Variants in DCUN1D2 observed in about 807,000 individuals in gnomAD.
DCUN1D2 encodes DCN1-like protein 2.
Under a neutral mutation model 30.9 loss-of-function variants are expected in DCUN1D2, and 29 were observed. That is an observed-to-expected ratio of 0.94 (90% CI 0.70 to 1.28). DCUN1D2 has a LOEUF of 1.28. Among genes scored for constraint, DCUN1D2 ranks in the 50% most tolerant of loss-of-function variants. The pLI, the probability that DCUN1D2 is intolerant of heterozygous loss-of-function variation, is 0.00. For missense variants in DCUN1D2, 325 were observed against 316.9 expected, an observed-to-expected ratio of 1.03 and a Z score of -0.19; for synonymous variants, 121 against 115.3, an observed-to-expected ratio of 1.05 and a Z score of -0.32.
At position 113,456,184 on chromosome 13, in the gene DCUN1D2, CCA is replaced by C. The variant is rs1272257376; in HGVS notation, c.*1843_*1844del. Reference sequence around the variant, plus strand: ...CGAAGACTTCTAAAGGTAGACAGGCCCAGTTTCCCATTAGAGTTCTGGAAGCA... The same window carrying C: ...CGAAGACTTCTAAAGGTAGACAGGCCGTTTCCCATTAGAGTTCTGGAAGCA... On this transcript the variant is annotated 3_prime_UTR_variant, in exon 7 of 7. Coordinates refer to ENST00000478244, the MANE Select transcript of DCUN1D2 (RefSeq NM_001014283.2). The C allele has an allele frequency of 2.5e-6, 1 of 398,548 alleles. No individual in the cohort carries two copies. Among genetic ancestry groups the C allele is most frequent in the African/African-American group, 2.1e-5 (1 of 48,712 alleles). 24.7% of individuals were successfully genotyped at this position (398,548 alleles called of 1,614,324 possible). A position where few individuals can be genotyped will look rare whatever the true frequency, so the allele number is the denominator to read the frequency against.
chr13:113,461,004 C>A (rs202105161), intron 5 of DCUN1D2, 50 bp downstream of exon 5: 1 of 1,253,980 alleles, frequency 8.0e-7, no homozygotes, highest in Admixed American at 1.8e-5. Context: ...CTCATACCTA[C>A]CGACTTCCCT....
intron 5 of DCUN1D2, chr13:113,459,689 G>T (rs79924357): frequency 1.5e-5 from 4 of 270,690 alleles, no homozygotes; most frequent in Non-Finnish European, 2.8e-5. Flanking sequence ...TTTTAATCTC[G>T]TTACCTGCCC....
intron 4 of DCUN1D2, chr13:113,462,635 G>A: frequency 1.7e-6 from 1 of 574,636 alleles, no homozygotes; most frequent in Non-Finnish European, 2.2e-6. Context: ...AAGGCTTCAT[G>A]ACCAACTTTA....
intron 3 of DCUN1D2, 29 bp from the exon 4 acceptor site, chr13:113,474,283 C>A: frequency 6.2e-7 from 1 of 1,609,950 alleles, no homozygotes; most frequent in South Asian, 1.1e-5. Flanking sequence ...GTTTGTCTTG[C>A]AGCAGATGCG....
intron 2 of DCUN1D2, among the ~76,000 whole-genome samples, chr13:113,482,862 G>C (rs889339833): frequency 3.9e-5 from 6 of 152,170 alleles, no homozygotes; most frequent in African/African-American, 1.4e-4. Context: ...AGAATCGCTT[G>C]AATGTGGGAG....
rs202245499 is a variant in DCUN1D2, at chr13:113,459,422, GAAAA to G, written c.604-18_604-15del. The G allele has an allele frequency of 1.4e-4, 164 of 1,136,686 alleles. 2 individuals are homozygous for G. In the African/African-American group the frequency reaches 2.5e-3, roughly 17 times the overall value. The allele number at this position is 1,136,686 out of a possible 1,614,324, so 70.4% of individuals were successfully genotyped here. The stretch of plus-strand genomic sequence containing the variant: ...TTTGTGATGTTCCTAATATATGAGA[GAAAA>G]AAAAAACCCACCAGGTTTAAAATAC... On this transcript the variant is annotated splice_polypyrimidine_tract_variant and intron_variant, in intron 5 of 6. Transcript: ENST00000478244.
intron 4 of DCUN1D2, among the ~76,000 whole-genome samples, chr13:113,467,455 G>C (rs1288167123): frequency 1.3e-5 from 2 of 150,214 alleles, no homozygotes; most frequent in Non-Finnish European, 3.0e-5. Context: ...TTTACCTATT[G>C]TTTTCAGAGT....
intron 4 of DCUN1D2, among the ~76,000 whole-genome samples, chr13:113,471,946 C>T (rs976092756): frequency 1.3e-5 from 2 of 152,152 alleles, no homozygotes; most frequent in East Asian, 1.9e-4. Context: ...CCACCCACAA[C>T]GACAGGGGAG....
intron 4 of DCUN1D2, among the ~76,000 whole-genome samples, chr13:113,467,646 C>T (rs529211923): frequency 6.6e-6 from 1 of 152,204 alleles, no homozygotes; most frequent in Admixed American, 6.5e-5. Flanking sequence ...AGCTTCGTTG[C>T]TGACAGGAAT....
chr13:113,484,401 C>T (rs140202183), intron 1 of DCUN1D2, among the ~76,000 whole-genome samples: 73 of 152,300 alleles, frequency 4.8e-4, no homozygotes, highest in African/African-American at 1.6e-3. Flanking sequence ...AAGGACCTTA[C>T]GGCACCAGCG....
At chr13:113,467,853 G>A (rs2044431739) in intron 4 of DCUN1D2, among the ~76,000 whole-genome samples, 2 of 151,932 alleles carry the variant, frequency 1.3e-5, no homozygotes, top group Non-Finnish European at 2.9e-5. Context: ...AGACCAGCCT[G>A]ACCAACATGG....
intron 4 of DCUN1D2, among the ~76,000 whole-genome samples, chr13:113,467,766 G>T (rs1427602361): frequency 6.6e-6 from 1 of 152,068 alleles, no homozygotes; most frequent in Non-Finnish European, 1.5e-5. Flanking sequence ...AAAGCGGGCC[G>T]GGCGCGGTGG....
intron 4 of DCUN1D2, among the ~76,000 whole-genome samples, chr13:113,469,211 C>T (rs996677687): frequency 2.6e-5 from 4 of 151,942 alleles, no homozygotes; most frequent in African/African-American, 7.3e-5. Context: ...AAAGCTGCCC[C>T]GAACCATCCT....
intron 4 of DCUN1D2, among the ~76,000 whole-genome samples, chr13:113,471,921 AAC>A (rs1012121742): frequency 6.6e-6 from 1 of 152,200 alleles, no homozygotes; most frequent in Non-Finnish European, 1.5e-5. Flanking sequence ...GCTGCTGGGG[AAC>A]ACAGAGCAAA....
chr13:113,481,234 T>C (rs931514587), intron 2 of DCUN1D2, among the ~76,000 whole-genome samples: 4 of 152,222 alleles, frequency 2.6e-5, no homozygotes, highest in African/African-American at 9.6e-5. Context: ...TAACTACTTC[T>C]CAGAATCATT....
At chr13:113,460,963 G>C (rs2044308847) in intron 5 of DCUN1D2, 91 bp downstream of exon 5, 1 of 774,074 alleles carries the variant, frequency 1.3e-6, no homozygotes. Flanking sequence ...ACCTCCACGT[G>C]TGAGACCTGA....
intron 1 of DCUN1D2, among the ~76,000 whole-genome samples, chr13:113,487,346 A>G (rs1251907201): frequency 6.6e-6 from 1 of 152,266 alleles, no homozygotes. Flanking sequence ...TTATACAACA[A>G]CATTTACTAT....
rs1367324999 is a variant in DCUN1D2 at position 113,457,287 on chromosome 13, G to A, written c.*742C>T. The A allele has an allele frequency of 6.6e-6, 1 of 152,156 alleles. No homozygotes were observed. Among genetic ancestry groups the A allele is most frequent in the Admixed American group, 6.5e-5 (1 of 15,280 alleles). The allele number at this position is 152,156 out of a possible 1,614,324, so 9.4% of individuals were successfully genotyped here. A position where few individuals can be genotyped will look rare whatever the true frequency, so the allele number is the denominator to read the frequency against. ...ATTTTAAAAAAACATACTTTATGAAGCTTCTCAGGCAGGTCAAATAATATT... is the reference window on the plus strand; with the variant it reads ...ATTTTAAAAAAACATACTTTATGAAACTTCTCAGGCAGGTCAAATAATATT... On this transcript the variant is annotated 3_prime_UTR_variant, in exon 7 of 7. Coordinates refer to ENST00000478244, the MANE Select transcript of DCUN1D2 (RefSeq NM_001014283.2).
intron 3 of DCUN1D2, chr13:113,475,434 T>A (rs765037072): frequency 6.6e-6 from 1 of 152,192 alleles, no homozygotes; most frequent in African/African-American, 2.4e-5. Context: ...ACAGACGAGG[T>A]GTGTAGTGGG....
Sources: gnomAD v4.1 joint callset for allele counts (sites outside exome capture counted in the v4.1 genomes callset) on GRCh38, gnomAD v4.1.1 for gene constraint, MANE v1.5 for transcripts, NCBI Gene and HGNC (gene_info 2026-07-23, HGNC 2026-07-21) for gene names.